ASIC2: variants seen among roughly 807,000 people sequenced by gnomAD.
ASIC2 encodes acid sensing ion channel subunit 2, also known as acid-sensing ion channel 2.
Under a neutral mutation model 57.3 loss-of-function variants are expected in ASIC2, and 25 were observed. The observed-to-expected ratio is 0.44, with a 90% CI of 0.32 to 0.61. The LOEUF (loss-of-function observed/expected upper bound fraction) is 0.61, where lower values mean the gene tolerates loss of function less well. Among genes scored for constraint, ASIC2 ranks in the 20% least tolerant of loss-of-function variants. ASIC2 has a pLI of 0.06. For synonymous variants in ASIC2, 319 were observed against 307.5 expected (o/e 1.04, Z -0.39); for missense variants, 641 against 738.1 (o/e 0.87, Z 1.52).
At chr17:33,388,771 G>A (rs999784930) in intron 1 of ASIC2, among the ~76,000 whole-genome samples, 1 of 152,184 alleles carries the variant, frequency 6.6e-6, no homozygotes, top group Non-Finnish European at 1.5e-5. Context: ...CACAATTTCA[G>A]TGACTTAATA....
chr17:33,782,126 C>T (rs909399638), intron 1 of ASIC2, among the ~76,000 whole-genome samples: 4 of 152,162 alleles, frequency 2.6e-5, no homozygotes, highest in African/African-American at 9.7e-5. Context: ...TCTTTTCAAC[C>T]AGGGTCTTTT....
At chr17:33,951,998 AT>A (rs1904591251) in intron 1 of ASIC2, among the ~76,000 whole-genome samples, 2 of 152,204 alleles carry the variant, frequency 1.3e-5, no homozygotes, top group Non-Finnish European at 2.9e-5. Context: ...AATTTGTGGA[AT>A]TCTATTAAAT....
intron 1 of ASIC2, among the ~76,000 whole-genome samples, chr17:33,616,548 T>A (rs9907856): frequency 0.088 from 13,417 of 152,272 alleles, 614 homozygotes; most frequent in African/African-American, 0.12. Context: ...AAATCCATAT[T>A]TAACTTGAAT....
intron 1 of ASIC2, among the ~76,000 whole-genome samples, chr17:33,587,173 G>A (rs1904667635): frequency 6.6e-6 from 1 of 152,188 alleles, no homozygotes; most frequent in Non-Finnish European, 1.5e-5. Flanking sequence ...CCATGGCAGA[G>A]TTGAGTACTT....
At chr17:33,871,505 C>T (rs364861) in intron 1 of ASIC2, among the ~76,000 whole-genome samples, 134,360 of 152,158 alleles carry the variant, frequency 0.88, 59,575 homozygotes, top group African/African-American at 0.97. Flanking sequence ...AAGGTCCTGG[C>T]GGGCAGGGAG....
At chr17:34,039,396 A>G (rs991927679) in intron 1 of ASIC2, 4 of 1,613,808 alleles carry the variant, frequency 2.5e-6, no homozygotes, top group Non-Finnish European at 3.4e-6. Flanking sequence ...GCTCTGTGTC[A>G]AGCCGAGGTT....
At chr17:33,708,836 G>A (rs776654321) in intron 1 of ASIC2, among the ~76,000 whole-genome samples, 23 of 152,054 alleles carry the variant, frequency 1.5e-4, no homozygotes, top group Non-Finnish European at 2.9e-4. Flanking sequence ...ACCCAACTCT[G>A]ACTCCCTTCC....
intron 1 of ASIC2, among the ~76,000 whole-genome samples, chr17:33,532,883 T>C (rs1915097002): frequency 6.6e-6 from 1 of 152,244 alleles, no homozygotes; most frequent in Admixed American, 6.5e-5. Context: ...TAACTCTTTG[T>C]TGGCTGGGGC....
At chr17:33,201,673 T>C (rs1906864603) in intron 1 of ASIC2, among the ~76,000 whole-genome samples, 2 of 152,080 alleles carry the variant, frequency 1.3e-5, no homozygotes, top group Admixed American at 6.5e-5. Context: ...GCCTATAGAG[T>C]AGCCCTGCTC....
intron 1 of ASIC2, among the ~76,000 whole-genome samples, chr17:33,378,477 G>A (rs1170999104): frequency 6.6e-6 from 1 of 152,148 alleles, no homozygotes; most frequent in Non-Finnish European, 1.5e-5. Flanking sequence ...TGTCCCTGCA[G>A]GCCTCCCCTC....
chr17:33,161,397 C>T (rs1341841311), intron 1 of ASIC2, among the ~76,000 whole-genome samples: 1 of 152,192 alleles, frequency 6.6e-6, no homozygotes, highest in African/African-American at 2.4e-5. Flanking sequence ...CCTTTGCATG[C>T]ATGTCTGCTT....
intron 1 of ASIC2, among the ~76,000 whole-genome samples, chr17:33,754,081 G>T (rs1910514311): frequency 6.6e-6 from 1 of 152,114 alleles, no homozygotes; most frequent in Non-Finnish European, 1.5e-5. Context: ...TGGGTGGGAA[G>T]GGGTACTGAT....
At chr17:34,148,376 C>A (rs559817658) in intron 1 of ASIC2, among the ~76,000 whole-genome samples, 5 of 152,306 alleles carry the variant, frequency 3.3e-5, no homozygotes, top group Admixed American at 3.3e-4. Context: ...GCTTAAAGTT[C>A]TAAACTGGAA....
intron 1 of ASIC2, among the ~76,000 whole-genome samples, chr17:34,015,837 T>C (rs1185288235): frequency 6.6e-6 from 1 of 152,260 alleles, no homozygotes; most frequent in African/African-American, 2.4e-5. Context: ...ACTAGTTGTG[T>C]GACCTTGGGC....
At chr17:33,760,054 A>G (rs569013645) in intron 1 of ASIC2, among the ~76,000 whole-genome samples, 17 of 152,254 alleles carry the variant, frequency 1.1e-4, no homozygotes, top group African/African-American at 4.1e-4. Context: ...AGTTTCAGGT[A>G]TTGTGTTATG....
At chr17:33,867,522 G>A (rs1286476861) in intron 1 of ASIC2, among the ~76,000 whole-genome samples, 2 of 152,180 alleles carry the variant, frequency 1.3e-5, no homozygotes, top group African/African-American at 2.4e-5. Flanking sequence ...GGGCCCTTTT[G>A]CCAACCACAA....
chr17:33,871,765 G>A (rs960773076), intron 1 of ASIC2, among the ~76,000 whole-genome samples: 1 of 152,258 alleles, frequency 6.6e-6, no homozygotes, highest in East Asian at 1.9e-4. Flanking sequence ...GATGAATTAT[G>A]TATGGCTGGA....
At chr17:33,409,774 T>G (rs1910592692) in intron 1 of ASIC2, among the ~76,000 whole-genome samples, 1 of 152,116 alleles carries the variant, frequency 6.6e-6, no homozygotes, top group African/African-American at 2.4e-5. Flanking sequence ...GCCTCAGAAA[T>G]GAATTTGAGC....
At chr17:33,348,754 T>A (rs887533458) in intron 1 of ASIC2, among the ~76,000 whole-genome samples, 1 of 151,436 alleles carries the variant, frequency 6.6e-6, no homozygotes, top group Non-Finnish European at 1.5e-5. Flanking sequence ...AGAAGATGGG[T>A]TCAAGCTGGT....
Sources: gnomAD v4.1 joint callset for allele counts (sites outside exome capture counted in the v4.1 genomes callset) on GRCh38, gnomAD v4.1.1 for gene constraint, MANE v1.5 for transcripts, NCBI Gene and HGNC (gene_info 2026-07-23, HGNC 2026-07-21) for gene names.